Variants in CNTNAP2 observed in about 807,000 individuals in gnomAD.
CNTNAP2 encodes the protein contactin-associated protein-like 2.
In CNTNAP2, 98 loss-of-function variants were observed where a neutral mutation model predicts 155.2. That is an observed-to-expected ratio of 0.63 (90% CI 0.54 to 0.75). CNTNAP2 has a LOEUF of 0.75. Ranked by LOEUF, CNTNAP2 falls within the 30% of genes least tolerant of loss-of-function variation. The pLI, the probability that CNTNAP2 is intolerant of heterozygous loss-of-function variation, is 0.00. For missense variants in CNTNAP2, 1,727 were observed against 1,688.1 expected (o/e 1.02, Z -0.40); for synonymous variants, 651 against 631.2 (o/e 1.03, Z -0.47).
chr7:146,457,691 G>A (rs1381674023), intron 1 of CNTNAP2, among the ~76,000 whole-genome samples: 2 of 150,650 alleles, frequency 1.3e-5, no homozygotes, highest in South Asian at 4.2e-4. Flanking sequence ...TTTTAGTAGA[G>A]ACTGGGTTTC....
chr7:146,339,808 A>G (rs1325955555), intron 1 of CNTNAP2, among the ~76,000 whole-genome samples: 1 of 152,108 alleles, frequency 6.6e-6, no homozygotes, highest in Non-Finnish European at 1.5e-5. Context: ...GCAATGGTCC[A>G]TTTGTCAGTC....
intron 5 of CNTNAP2, among the ~76,000 whole-genome samples, chr7:147,116,409 C>T (rs1563082178): frequency 6.6e-6 from 1 of 152,240 alleles, no homozygotes; most frequent in Admixed American, 6.5e-5. Flanking sequence ...CCAAGGCCCA[C>T]AGGCTGGACT....
At chr7:146,657,981 G>A (rs1444204653) in intron 1 of CNTNAP2, among the ~76,000 whole-genome samples, 1 of 151,038 alleles carries the variant, frequency 6.6e-6, no homozygotes, top group Non-Finnish European at 1.5e-5. Context: ...ATACATTCAA[G>A]CATGTATAAA....
chr7:146,788,697 C>T (rs1802621308), intron 2 of CNTNAP2, among the ~76,000 whole-genome samples: 1 of 152,124 alleles, frequency 6.6e-6, no homozygotes, highest in Non-Finnish European at 1.5e-5. Flanking sequence ...ATAGATCAGT[C>T]TTCTTAAACA....
intron 1 of CNTNAP2, among the ~76,000 whole-genome samples, chr7:146,489,988 T>TG (rs1797115142): frequency 6.6e-6 from 1 of 151,960 alleles, no homozygotes; most frequent in African/African-American, 2.4e-5. Context: ...AAATCAGTGA[T>TG]GGGTAGGGAT....
chr7:147,557,023 G>A (rs868232841), intron 11 of CNTNAP2, among the ~76,000 whole-genome samples: 16 of 151,754 alleles, frequency 1.1e-4, no homozygotes, highest in Admixed American at 2.6e-4. Context: ...TGAGGCAGGC[G>A]GGGGTCGGGA....
At chr7:148,173,941 CAGT>C in intron 18 of CNTNAP2, among the ~76,000 whole-genome samples, 1 of 152,282 alleles carries the variant, frequency 6.6e-6, no homozygotes. Context: ...AGGTTAAACA[CAGT>C]AGCTCACGCA....
At chr7:147,681,522 C>T (rs1163189360) in intron 13 of CNTNAP2, among the ~76,000 whole-genome samples, 1 of 151,908 alleles carries the variant, frequency 6.6e-6, no homozygotes, top group Non-Finnish European at 1.5e-5. Flanking sequence ...TTAGAACTCT[C>T]TAAAGCAATG....
intron 4 of CNTNAP2, among the ~76,000 whole-genome samples, chr7:147,056,557 A>G (rs1799565066): frequency 6.6e-6 from 1 of 152,160 alleles, no homozygotes; most frequent in African/African-American, 2.4e-5. Flanking sequence ...TCCAAATTTC[A>G]GCATGCTGTG....
At chr7:146,420,318 T>C (rs1032990479) in intron 1 of CNTNAP2, among the ~76,000 whole-genome samples, 4 of 152,060 alleles carry the variant, frequency 2.6e-5, no homozygotes, top group African/African-American at 9.7e-5. Context: ...ATGACCTGAT[T>C]TCTTTTTGCA....
intron 1 of CNTNAP2, among the ~76,000 whole-genome samples, chr7:146,275,969 C>G (rs991338333): frequency 6.6e-6 from 1 of 152,106 alleles, no homozygotes; most frequent in African/African-American, 2.4e-5. Context: ...TGGGTCAAGG[C>G]CGTGGATACT....
chr7:146,575,961 G>C (rs1012662628), intron 1 of CNTNAP2, among the ~76,000 whole-genome samples: 1 of 152,202 alleles, frequency 6.6e-6, no homozygotes, highest in African/African-American at 2.4e-5. Context: ...CACCTTAATG[G>C]TGATTCAAGG....
intron 1 of CNTNAP2, among the ~76,000 whole-genome samples, chr7:146,570,933 G>T (rs760356330): frequency 1.2e-4 from 18 of 151,980 alleles, no homozygotes; most frequent in Non-Finnish European, 2.4e-4. Context: ...TAACTTATTA[G>T]CATTTAGCCA....
chr7:147,121,049 C>T lies in CNTNAP2; in HGVS notation c.825C>T (p.His275=), dbSNP rs1801101006. Residue 275 remains histidine (H), a synonymous_variant, in exon 6 of 24, where the codon CAC becomes CAT. Coordinates refer to ENST00000361727, the MANE Select transcript of CNTNAP2 (RefSeq NM_014141.6). ...CAGGAAGTTTGCTGGATGACCACCA[C>T]TGGCACTCTGTGGTCATTGAGCGCC... ...VMTGSLLDDH[H]WHSVVIERQG... is the part of the protein sequence containing the mutation. The T allele has an allele frequency of 6.2e-7, 1 of 1,614,108 alleles. No individual in the cohort carries two copies. The highest frequency in any genetic ancestry group is 1.7e-4 in the Middle Eastern group (1 of 6,000).
chr7:146,789,856 T>G (rs1802639584), intron 2 of CNTNAP2, among the ~76,000 whole-genome samples: 1 of 149,762 alleles, frequency 6.7e-6, no homozygotes, highest in Non-Finnish European at 1.5e-5. Flanking sequence ...ATAACAGGAG[T>G]AAACCTCAAC....
chr7:148,382,054 C>G (rs896602821), intron 21 of CNTNAP2, among the ~76,000 whole-genome samples: 5 of 152,180 alleles, frequency 3.3e-5, no homozygotes, highest in African/African-American at 4.8e-5. Context: ...GAATTTTCCC[C>G]AATAGGGAGA....
At chr7:146,925,422 T>C (rs923008322) in intron 3 of CNTNAP2, among the ~76,000 whole-genome samples, 1 of 152,120 alleles carries the variant, frequency 6.6e-6, no homozygotes. Flanking sequence ...TTGGACATTA[T>C]TAAGAAGAGC....
intron 1 of CNTNAP2, among the ~76,000 whole-genome samples, chr7:146,546,195 G>A (rs2129141859): frequency 6.6e-6 from 1 of 152,036 alleles, no homozygotes; most frequent in Admixed American, 6.6e-5. Flanking sequence ...GAAGACTGAT[G>A]TTGGGAGATT....
At chr7:147,361,066 C>CA (rs1796140342) in intron 9 of CNTNAP2, among the ~76,000 whole-genome samples, 1 of 152,028 alleles carries the variant, frequency 6.6e-6, no homozygotes. Flanking sequence ...CAAGAAAAGT[C>CA]AAAGTGCTGG....
Sources: allele counts gnomAD v4.1 joint callset (sites outside exome capture counted in the v4.1 genomes callset), GRCh38; gene constraint gnomAD v4.1.1; transcripts MANE v1.5; gene names NCBI Gene and HGNC (gene_info 2026-07-23, HGNC 2026-07-21).